PLCD3: variants seen among roughly 807,000 people sequenced by gnomAD.
The protein encoded by PLCD3 is 1-phosphatidylinositol 4,5-bisphosphate phosphodiesterase delta-3.
PLCD3 carries 62 observed loss-of-function variants against 82.8 expected under a neutral mutation model. The observed-to-expected ratio is 0.75, with a 90% CI of 0.61 to 0.93. The LOEUF is 0.93. Ranked by LOEUF, PLCD3 falls within the 40% of genes least tolerant of loss-of-function variation. The pLI is 0.00. For synonymous variants in PLCD3, 478 were observed against 471.8 expected (o/e 1.01, Z -0.17); for missense variants, 1,023 against 1,103.4 (o/e 0.93, Z 1.03).
At position 45,120,342 on chromosome 17, in the gene PLCD3, C is replaced by T; in HGVS notation, c.667G>A (p.Ala223Thr). Residue 223 changes from alanine (A) to threonine (T), a missense_variant, in exon 4 of 15, where the codon GCC (alanine) becomes ACC (threonine). Coordinates refer to ENST00000619929, the MANE Select transcript of PLCD3 (RefSeq NM_133373.5). ...AAGCCCACCTTGAAGAGGAGGTAGG[C>T]GTACATGTCGTTCATGTCCACGTTG... Reference protein sequence around the residue: ...MVNVDMNDMYAYLLFKECDHS... With the variant: ...MVNVDMNDMYTYLLFKECDHS... The T allele has an allele frequency of 8.1e-6, 13 of 1,613,984 alleles. No individual in the cohort carries two copies. The highest frequency in any genetic ancestry group is 1.1e-5 in the South Asian group (1 of 91,084).
rs1044770732 is a variant in PLCD3, at chr17:45,110,765, TGCCTGGCCCGGCCC to T, written c.*1837_*1850del. On this transcript the variant is annotated 3_prime_UTR_variant, in exon 15 of 15. Transcript: ENST00000619929. The stretch of plus-strand genomic sequence containing the variant: ...AGCCCTGAGTGCCAGATGCCCGGGC[TGCCTGGCCCGGCCC>T]GCCTGGCTCGGCCCATTCCTTCTGG... 5 of 152,254 alleles carry T rather than the reference TGCCTGGCCCGGCCC, an allele frequency of 3.3e-5. No individual in the cohort carries two copies. Among genetic ancestry groups the T allele is most frequent in the East Asian group, 1.9e-4 (1 of 5,192 alleles). 9.4% of individuals were successfully genotyped at this position (152,254 alleles called of 1,614,324 possible).
chr17:45,111,515 G>A lies in PLCD3; in HGVS notation c.*1101C>T, dbSNP rs971152185. The A allele has an allele frequency of 4.6e-5, 7 of 152,128 alleles. No homozygotes were observed. Among genetic ancestry groups the A allele is most frequent in the Non-Finnish European group, 4.4e-5 (3 of 68,072 alleles). The allele number at this position is 152,128 out of a possible 1,614,324, so 9.4% of individuals were successfully genotyped here. ...GCTATTTAGAGCTGTGGCATCTCCT[G>A]CTGCCACCCCCTGGCTGTCTTAGCC... On this transcript the variant is annotated 3_prime_UTR_variant, in exon 15 of 15. Coordinates refer to ENST00000619929, the MANE Select transcript of PLCD3 (RefSeq NM_133373.5).
chr17:45,118,573 G>T lies in PLCD3; in HGVS notation c.914-81C>A. 1 of 1,496,880 alleles carries T rather than the reference G, an allele frequency of 6.7e-7. No homozygotes were observed. The highest frequency in any genetic ancestry group is 9.2e-7 in the Non-Finnish European group (1 of 1,089,110). 92.7% of individuals were successfully genotyped at this position (1,496,880 alleles called of 1,614,324 possible). On this transcript the variant is annotated intron_variant, in intron 5 of 14. Transcript: ENST00000619929. This position sits in a 1 kb window ranked among gnomAD's most constrained non-coding sequence, Gnocchi z 4.1. ...TTCCAATGCCCCCAAGGCCCACTCA[G>T]CTTAGGAATAATGACTAGACAATCT...
In PLCD3 at chr17:45,120,887, G is replaced by C. The variant is rs761291131; in HGVS notation, c.554+15C>G. On this transcript the variant is annotated intron_variant, in intron 3 of 14. Transcript: ENST00000619929. Reference sequence around the variant, plus strand: ...TCCAAGGATGGGGCCCTCCCTCCCAGCCCCGGCAGGATATTGGTCTAGCCG... The same window carrying C: ...TCCAAGGATGGGGCCCTCCCTCCCACCCCCGGCAGGATATTGGTCTAGCCG... The C allele has an allele frequency of 8.5e-6, 12 of 1,415,782 alleles. No individual in the cohort carries two copies. Among genetic ancestry groups the C allele is most frequent in the Middle Eastern group, 1.8e-4 (1 of 5,478 alleles). The allele number at this position is 1,415,782 out of a possible 1,614,324, so 87.7% of individuals were successfully genotyped here. A position where few individuals can be genotyped will look rare whatever the true frequency, so the allele number is the denominator to read the frequency against.
chr17:45,116,788 T>TG lies in PLCD3; in HGVS notation c.1261-5dup, dbSNP rs1241788556. ...GGATGACAGGGTAAGGGGACAGCTG[T>TG]GGGGGGAAGGGCAGCAGCTCAGAGC... On this transcript the variant is annotated splice_region_variant and splice_polypyrimidine_tract_variant and intron_variant, in intron 7 of 14. Transcript: ENST00000619929. 5.0e-6 allele frequency: 8 copies of TG among 1,584,878 alleles called. No homozygotes were observed. The highest frequency in any genetic ancestry group is 2.3e-5 in the East Asian group (1 of 43,242).
In PLCD3 at chr17:45,120,906, C is replaced by T. The variant is rs1713776604; in HGVS notation, c.550G>A (p.Asp184Asn). Residue 184 changes from aspartate (D) to asparagine (N), a missense_variant, in exon 3 of 15, where the codon GAC (aspartate) becomes AAC (asparagine). By Grantham distance (23) the Asp-to-Asn change is conservative. This residue lies in a region of PLCD3 where 448 missense variants were observed against 406.3 expected (regional missense o/e 1.10). Coordinates refer to ENST00000619929, the MANE Select transcript of PLCD3 (RefSeq NM_133373.5). ...LDAMSQRERL[D>N]HWIHSYLHRA... ...CTCCCAGCCCCGGCAGGATATTGGT[C>T]TAGCCGCTCGCGCTGGCTCATGGCG... The T allele has an allele frequency of 4.2e-6, 6 of 1,435,788 alleles. No homozygotes were observed. The highest frequency in any genetic ancestry group is 4.5e-6 in the Non-Finnish European group (5 of 1,100,692). The allele number at this position is 1,435,788 out of a possible 1,614,324, so 88.9% of individuals were successfully genotyped here.
chr17:45,114,385 G>C lies in PLCD3; in HGVS notation c.1712-19C>G, dbSNP rs748541214. 6.5e-7 allele frequency: 1 copy of C among 1,543,106 alleles called. No individual in the cohort carries two copies. The highest frequency in any genetic ancestry group is 1.2e-5 in the South Asian group (1 of 83,376). On this transcript the variant is annotated intron_variant, in intron 10 of 14. Coordinates refer to ENST00000619929, the MANE Select transcript of PLCD3 (RefSeq NM_133373.5). ...CTGTTCCCTGGGGCAGAGTTGGGGT[G>C]AGACCGTGACAGACTCCGGGGGTCC... is the stretch of plus-strand genomic sequence containing the variant.
At chr17:45,117,060 T>C (rs1265997960) in intron 7 of PLCD3, among the ~76,000 whole-genome samples, 1 of 152,160 alleles carries the variant, frequency 6.6e-6, no homozygotes, top group Non-Finnish European at 1.5e-5. Context: ...TCTCCCTGCC[T>C]CAGCCTCCTA....
At chr17:45,124,731 C>T (rs1018082381) in intron 1 of PLCD3, among the ~76,000 whole-genome samples, 22 of 152,264 alleles carry the variant, frequency 1.4e-4, no homozygotes, top group Non-Finnish European at 3.2e-4. Flanking sequence ...TTCCTACCTG[C>T]TCTGAGCAGG....
intron 10 of PLCD3, among the ~76,000 whole-genome samples, chr17:45,114,829 C>G (rs1331433519): frequency 6.6e-6 from 1 of 152,180 alleles, no homozygotes; most frequent in East Asian, 1.9e-4. Flanking sequence ...TGGGCTCCCC[C>G]AGCCCCCAGC....
rs1316304815 is a variant in PLCD3 at position 45,118,161 on chromosome 17, A to C, written c.1116-23T>G. On this transcript the variant is annotated intron_variant, in intron 6 of 14. Transcript: ENST00000619929. This position sits in a 1 kb window ranked among gnomAD's most constrained non-coding sequence, Gnocchi z 4.1. The stretch of plus-strand genomic sequence containing the variant: ...GCCCTGTGTGTGGACAGATGGGTGG[A>C]CGGGCAAGGTGTTGCCAGAGTGCCA... 2.5e-6 allele frequency: 4 copies of C among 1,613,902 alleles called. No individual in the cohort carries two copies. The highest frequency in any genetic ancestry group is 3.4e-6 in the Non-Finnish European group (4 of 1,179,840).
Position 45,118,776 on chromosome 17 carries a change from C to A in PLCD3, c.913+39G>T. 6.4e-7 allele frequency: 1 copy of A among 1,573,730 alleles called. No individual in the cohort carries two copies. Among genetic ancestry groups the A allele is most frequent in the Non-Finnish European group, 8.6e-7 (1 of 1,158,520 alleles). On this transcript the variant is annotated intron_variant, in intron 5 of 14. Transcript: ENST00000619929. The surrounding 1 kb of genome is among the most constrained non-coding windows in gnomAD (Gnocchi z 4.1). ...AACCCGCTTAGCTGGGAACACAGCCCTTTCAGGTGCCACGACCTGGCCGTG... is the reference window on the plus strand; with the variant it reads ...AACCCGCTTAGCTGGGAACACAGCCATTTCAGGTGCCACGACCTGGCCGTG...
intron 8 of PLCD3, 98 bp downstream of exon 8, chr17:45,116,534 G>A (rs2054292915): frequency 6.2e-6 from 8 of 1,284,648 alleles, no homozygotes; most frequent in Non-Finnish European, 6.3e-6. Flanking sequence ...GCAGCAAGAG[G>A]TGAGGGGTCC....
chr17:45,132,227 C>CCCCTT lies in PLCD3; in HGVS notation c.163+20_163+21insAAGGG. On this transcript the variant is annotated intron_variant, in intron 1 of 14. Transcript: ENST00000619929. The surrounding 1 kb of genome is among the most constrained non-coding windows in gnomAD (Gnocchi z 4.6). ...TGGGAACGGTCCGCGCCCACCCCAC[C>CCCCTT]GCCCCTTGCCCGTCACTGACCCATC... 1 of 1,260,262 alleles carries CCCCTT rather than the reference C, an allele frequency of 7.9e-7. No individual in the cohort carries two copies. Among genetic ancestry groups the CCCCTT allele is most frequent in the Non-Finnish European group, 1.0e-6 (1 of 1,002,108 alleles). The allele number at this position is 1,260,262 out of a possible 1,614,324, so 78.1% of individuals were successfully genotyped here.
At position 45,115,312 on chromosome 17, in the gene PLCD3, C is replaced by G. The variant is rs767926410; in HGVS notation, c.1560+32G>C. 67 of 1,514,206 alleles carry G rather than the reference C, an allele frequency of 4.4e-5. No homozygotes were observed. The African/African-American group carries it at 4.9e-4, about 11-fold the overall frequency. 93.8% of individuals were successfully genotyped at this position (1,514,206 alleles called of 1,614,324 possible). ...CCACATCCGTCCTCCCACCTTCCCC[C>G]CCTTCCCCACCCCACCCATCCCAGC... On this transcript the variant is annotated intron_variant, in intron 9 of 14. Transcript: ENST00000619929.
chr17:45,117,948 C>T, intron 7 of PLCD3, 46 bp downstream of exon 7: 2 of 1,606,252 alleles, frequency 1.2e-6, no homozygotes, highest in South Asian at 2.2e-5. Context: ...GGACGGAGGT[C>T]ATTGGGAAGG....
At chr17:45,119,211 G>C in intron 4 of PLCD3, 168 bp from the exon 5 acceptor site, 1 of 625,086 alleles carries the variant, frequency 1.6e-6, no homozygotes, top group Non-Finnish European at 2.8e-6. Flanking sequence ...AAATTACAGG[G>C]CAGGATTTTT....
In PLCD3 at chr17:45,123,060, C is replaced by G. The variant is rs369714197; in HGVS notation, c.164-1688G>C. ...GGCCAAAAGAAGTAAGACAGAGGGC[C>G]TCTCTTCCTCCCTTTATTTCGACAA... On this transcript the variant is annotated intron_variant, in intron 1 of 14. Transcript: ENST00000619929. Among the ~76,000 whole-genome samples, 190 of 152,288 alleles carry G rather than the reference C, an allele frequency of 1.2e-3. 2 individuals carry two copies. The Middle Eastern group carries it at 0.02, about 16-fold the overall frequency.
Position 45,120,942 on chromosome 17 carries a change from C to T in PLCD3, c.514G>A (p.Ala172Thr). The change falls in exon 3 of 15, where the codon GCG (alanine) becomes ACG (threonine). Residue 172 changes from alanine (A) to threonine (T), a missense_variant. Ala to Thr is a moderately conservative substitution (Grantham distance 58). Coordinates refer to ENST00000619929, the MANE Select transcript of PLCD3 (RefSeq NM_133373.5). ...CGCTGGCTCATGGCGTCCAGGCGCG[C>T]GCGGAGCTTGGTCAGACCGCGCACC... ...RWVRGLTKLR[A>T]RLDAMSQRER... The T allele has an allele frequency of 2.0e-6, 3 of 1,485,246 alleles. No homozygotes were observed. Among genetic ancestry groups the T allele is most frequent in the South Asian group, 1.3e-5 (1 of 77,044 alleles). 92.0% of individuals were successfully genotyped at this position (1,485,246 alleles called of 1,614,324 possible).
Sources: allele counts gnomAD v4.1 joint callset (sites outside exome capture counted in the v4.1 genomes callset), GRCh38; gene constraint gnomAD v4.1.1; regional missense constraint gnomAD v4.1.1; non-coding constraint Gnocchi (gnomAD v3.1); transcripts MANE v1.5; gene names NCBI Gene and HGNC (gene_info 2026-07-23, HGNC 2026-07-21).